CTNNBL1: variants seen among roughly 807,000 people sequenced by gnomAD.
CTNNBL1 encodes catenin beta like 1.
Under a neutral mutation model 72.7 loss-of-function variants are expected in CTNNBL1, and 31 were observed. The ratio of observed to expected loss-of-function variants is 0.43; its 90% CI spans 0.32 to 0.58. The LOEUF (loss-of-function observed/expected upper bound fraction) is 0.58, where lower values mean the gene tolerates loss of function less well. Ranked by LOEUF, CTNNBL1 falls within the 20% of genes least tolerant of loss-of-function variation. The probability of loss-of-function intolerance (pLI) is 0.08; values close to 1 mark genes in which losing one functional copy is unlikely to be tolerated. For missense variants in CTNNBL1, 534 were observed against 725.1 expected, an observed-to-expected ratio of 0.74 and a Z score of 3.03; for synonymous variants, 240 against 267.3, an observed-to-expected ratio of 0.90 and a Z score of 1.00.
At chr20:37,844,291 A>G (rs141096170) in intron 13 of CTNNBL1, among the ~76,000 whole-genome samples, 3 of 152,210 alleles carry the variant, frequency 2.0e-5, no homozygotes, top group African/African-American at 7.2e-5. Context: ...CCACCTTTAA[A>G]TCACTGCTTG....
In CTNNBL1 at chr20:37,694,054, G is replaced by C; in HGVS notation, c.-69G>C. ...CGCACTTTACGGCAGTGTGGCTGGA[G>C]CCGCGGCTGACGGGCCCGCGGTCTG... On this transcript the variant is annotated 5_prime_UTR_variant, in exon 1 of 16. Transcript: ENST00000361383. 6.5e-7 allele frequency: 1 copy of C among 1,548,530 alleles called. No homozygotes were observed. The highest frequency in any genetic ancestry group is 8.8e-7 in the Non-Finnish European group (1 of 1,137,366).
chr20:37,834,853 A>G (rs1245028628), intron 11 of CTNNBL1, among the ~76,000 whole-genome samples: 1 of 152,214 alleles, frequency 6.6e-6, no homozygotes, highest in African/African-American at 2.4e-5. Flanking sequence ...ACTCAAGCCT[A>G]CTGGCATAGA....
chr20:37,733,460 T>C (rs780823729), intron 2 of CTNNBL1, among the ~76,000 whole-genome samples: 3 of 152,162 alleles, frequency 2.0e-5, no homozygotes, highest in Non-Finnish European at 2.9e-5. Context: ...AGAAGTTTAA[T>C]GGGTTCCACA....
At chr20:37,845,522 C>T (rs931702900) in intron 13 of CTNNBL1, among the ~76,000 whole-genome samples, 8 of 152,312 alleles carry the variant, frequency 5.3e-5, no homozygotes, top group Admixed American at 2.0e-4. Context: ...TGCTCAGCAG[C>T]CTCAGTGTTA....
chr20:37,705,208 A>G (rs2072874949), intron 1 of CTNNBL1, among the ~76,000 whole-genome samples: 1 of 152,224 alleles, frequency 6.6e-6, no homozygotes, highest in South Asian at 2.1e-4. Context: ...CCTTGGGTCC[A>G]TTAATTAACC....
chr20:37,760,951 G>A (rs2073411773), intron 5 of CTNNBL1, among the ~76,000 whole-genome samples: 1 of 151,636 alleles, frequency 6.6e-6, no homozygotes. Flanking sequence ...GGATGGGGTG[G>A]GCCTAAATAA....
chr20:37,847,326 T>G (rs1001324107), intron 13 of CTNNBL1, among the ~76,000 whole-genome samples: 1 of 152,214 alleles, frequency 6.6e-6, no homozygotes, highest in African/African-American at 2.4e-5. Context: ...AGTGGCCTTC[T>G]GCTTTTATGT....
chr20:37,710,716 T>C (rs1251980182), intron 1 of CTNNBL1, among the ~76,000 whole-genome samples: 1 of 152,196 alleles, frequency 6.6e-6, no homozygotes, highest in Non-Finnish European at 1.5e-5. Flanking sequence ...TGCTTATCTT[T>C]CTGGAAGGTA....
chr20:37,757,536 G>A, intron 4 of CTNNBL1, 23 bp from the exon 5 acceptor site: 1 of 1,565,034 alleles, frequency 6.4e-7, no homozygotes, highest in Non-Finnish European at 8.8e-7. Context: ...CAGTATGTGT[G>A]TTATACCCTT....
intron 4 of CTNNBL1, 44 bp from the exon 5 acceptor site, chr20:37,757,515 T>G: frequency 7.3e-7 from 1 of 1,373,446 alleles, no homozygotes; most frequent in Admixed American, 1.8e-5. Flanking sequence ...AGAAAAATAC[T>G]GGTACCGTTT....
rs566031713 is a variant in CTNNBL1, at chr20:37,742,693, G to A, written c.327-3775G>A. ...GTGTCATATAACATTTTTTCATTTTGCCCTTTATCTATCTTTGCTCATGTT... is the reference window on the plus strand; with the variant it reads ...GTGTCATATAACATTTTTTCATTTTACCCTTTATCTATCTTTGCTCATGTT... On this transcript the variant is annotated intron_variant, in intron 3 of 15. Transcript: ENST00000361383. Among the ~76,000 whole-genome samples, 47 of 150,550 alleles carry A rather than the reference G, an allele frequency of 3.1e-4. No homozygotes were observed. The South Asian group carries it at 9.4e-3, about 30-fold the overall frequency.
intron 11 of CTNNBL1, among the ~76,000 whole-genome samples, chr20:37,831,716 G>A (rs2072211623): frequency 6.6e-6 from 1 of 152,166 alleles, no homozygotes; most frequent in South Asian, 2.1e-4. Context: ...CTTCTCTAGA[G>A]TGGGCTAGCT....
chr20:37,748,335 G>C (rs2073286652), intron 4 of CTNNBL1, among the ~76,000 whole-genome samples: 1 of 152,174 alleles, frequency 6.6e-6, no homozygotes, highest in African/African-American at 2.4e-5. Flanking sequence ...ATCAAGAATT[G>C]ATCTGTTAGC....
intron 15 of CTNNBL1, among the ~76,000 whole-genome samples, chr20:37,868,723 G>A (rs1342629510): frequency 6.6e-6 from 1 of 152,152 alleles, no homozygotes; most frequent in African/African-American, 2.4e-5. Context: ...TCGGCAAAGG[G>A]ATTGATGCAG....
chr20:37,730,097 G>A (rs2073117194), intron 1 of CTNNBL1, among the ~76,000 whole-genome samples: 1 of 152,140 alleles, frequency 6.6e-6, no homozygotes, highest in African/African-American at 2.4e-5. Flanking sequence ...GGAGCAAGCA[G>A]GAAACATGAA....
At chr20:37,837,129 G>A (rs1028812265) in intron 11 of CTNNBL1, among the ~76,000 whole-genome samples, 1 of 152,010 alleles carries the variant, frequency 6.6e-6, no homozygotes, top group Non-Finnish European at 1.5e-5. Flanking sequence ...ACCTTTTCTC[G>A]TTGGCATACA....
intron 11 of CTNNBL1, among the ~76,000 whole-genome samples, chr20:37,809,980 A>G (rs2071994745): frequency 6.6e-6 from 1 of 152,156 alleles, no homozygotes; most frequent in African/African-American, 2.4e-5. Flanking sequence ...TGGTTGTACC[A>G]TAAGGCTGCT....
intron 1 of CTNNBL1, among the ~76,000 whole-genome samples, chr20:37,730,346 A>G (rs2073118677): frequency 6.6e-6 from 1 of 152,204 alleles, no homozygotes; most frequent in African/African-American, 2.4e-5. Flanking sequence ...TCTAACACAA[A>G]TGTTTTGTTG....
At chr20:37,862,269 A>G (rs1360678949) in intron 15 of CTNNBL1, among the ~76,000 whole-genome samples, 1 of 152,012 alleles carries the variant, frequency 6.6e-6, no homozygotes, top group African/African-American at 2.4e-5. Flanking sequence ...CCAGCCTTTA[A>G]ATGGCATTTA....
Sources: gnomAD v4.1 joint callset for allele counts (sites outside exome capture counted in the v4.1 genomes callset) on GRCh38, gnomAD v4.1.1 for gene constraint, MANE v1.5 for transcripts, NCBI Gene and HGNC (gene_info 2026-07-23, HGNC 2026-07-21) for gene names.